The following TMEM108 variants were observed in gnomAD, a reference collection of about 807,000 sequenced individuals.
TMEM108 encodes transmembrane protein 108, also known as cancer/testis antigen 124.
Under a neutral mutation model 35.1 loss-of-function variants are expected in TMEM108, and 12 were observed. The observed-to-expected ratio is 0.34, with a 90% CI of 0.22 to 0.55. The LOEUF (loss-of-function observed/expected upper bound fraction) is 0.55, where lower values mean the gene tolerates loss of function less well. TMEM108 is among the 20% of genes least tolerant of loss of function. The pLI is 0.89. For missense variants in TMEM108, 680 were observed against 753.3 expected (o/e 0.90, Z 1.14); for synonymous variants, 287 against 308.6 (o/e 0.93, Z 0.73).
intron 3 of TMEM108, among the ~76,000 whole-genome samples, chr3:133,319,659 C>T (rs1193624471): frequency 5.9e-5 from 9 of 152,154 alleles, no homozygotes; most frequent in African/African-American, 1.4e-4. Flanking sequence ...GAGCAGGTGC[C>T]GGTATCCATG....
rs144920523 is a variant in TMEM108 at position 133,237,973 on chromosome 3, T to G, written c.40+8622T>G. On this transcript the variant is annotated intron_variant, in intron 3 of 5. Coordinates refer to ENST00000321871, the MANE Select transcript of TMEM108 (RefSeq NM_023943.4). ...AAATTTTAAGAGTATGAAGGGGACA[T>G]GAGACCAAAATGTTTGAGAACCTCT... Among the ~76,000 whole-genome samples the G allele has an allele frequency of 2.5e-3, 380 of 152,298 alleles. 1 individual carries two copies. The highest frequency in any genetic ancestry group is 8.7e-3 in the African/African-American group (360 of 41,570).
chr3:133,306,485 T>C (rs536987015), intron 3 of TMEM108, among the ~76,000 whole-genome samples: 1 of 152,284 alleles, frequency 6.6e-6, no homozygotes, highest in Non-Finnish European at 1.5e-5. Context: ...TCATTTACAT[T>C]AGGTATTTCT....
chr3:133,130,607 G>A (rs1944477727), intron 2 of TMEM108, among the ~76,000 whole-genome samples: 1 of 152,200 alleles, frequency 6.6e-6, no homozygotes, highest in South Asian at 2.1e-4. Flanking sequence ...AAATCAGACA[G>A]CATCACTCCA....
chr3:133,162,417 A>G (rs1286186279), intron 2 of TMEM108, among the ~76,000 whole-genome samples: 1 of 152,214 alleles, frequency 6.6e-6, no homozygotes, highest in Non-Finnish European at 1.5e-5. Flanking sequence ...AGCCTGAGTG[A>G]GCAGACCAAG....
At chr3:133,073,926 A>G (rs1189030213) in intron 2 of TMEM108, among the ~76,000 whole-genome samples, 2 of 151,978 alleles carry the variant, frequency 1.3e-5, no homozygotes, top group African/African-American at 2.4e-5. Flanking sequence ...ATATTTTTTC[A>G]TATTTGAAAA....
chr3:133,380,867 C>G lies in TMEM108; in HGVS notation c.1156C>G (p.Pro386Ala), dbSNP rs139752429. The change falls in exon 4 of 6, where the codon CCA becomes GCA. Residue 386 changes from proline (P) to alanine (A), a missense_variant. Pro to Ala is a conservative substitution (Grantham distance 27). Coordinates refer to ENST00000321871, the MANE Select transcript of TMEM108 (RefSeq NM_023943.4). The surrounding 1 kb of genome is among the most constrained non-coding windows in gnomAD (Gnocchi z 5.3). ...PQGASTTPQA[P>A]THPSRVSEST... ...GGGAGCATCCACAACCCCACAAGCT[C>G]CAACCCATCCCTCCAGGGTCTCAGA... is the stretch of plus-strand genomic sequence containing the variant. 344 of 1,614,190 alleles carry G rather than the reference C, an allele frequency of 2.1e-4. 2 individuals carry two copies. Among genetic ancestry groups the G allele is most frequent in the Admixed American group, 1.7e-3 (103 of 60,030 alleles).
At chr3:133,061,016 A>G (rs1943528122) in intron 2 of TMEM108, among the ~76,000 whole-genome samples, 1 of 152,184 alleles carries the variant, frequency 6.6e-6, no homozygotes, top group African/African-American at 2.4e-5. Context: ...CTGACATGTT[A>G]TTTAAAACAA....
intron 2 of TMEM108, among the ~76,000 whole-genome samples, chr3:133,059,800 C>T (rs185449588): frequency 2.3e-4 from 35 of 152,238 alleles, no homozygotes; most frequent in African/African-American, 7.9e-4. Context: ...TTGTTTAATG[C>T]ATTTTTCCCC....
At chr3:133,216,967 T>G (rs1945918400) in intron 2 of TMEM108, among the ~76,000 whole-genome samples, 1 of 152,140 alleles carries the variant, frequency 6.6e-6, no homozygotes, top group Non-Finnish European at 1.5e-5. Flanking sequence ...TGATGGATTA[T>G]GTGGTAGTTT....
intron 3 of TMEM108, among the ~76,000 whole-genome samples, chr3:133,234,736 G>A (rs1946208230): frequency 6.6e-6 from 1 of 152,066 alleles, no homozygotes; most frequent in African/African-American, 2.4e-5. Context: ...ACATAGTGTT[G>A]GAAGTTCTGG....
chr3:133,392,294 C>T (rs1405669282), intron 5 of TMEM108, among the ~76,000 whole-genome samples: 1 of 152,098 alleles, frequency 6.6e-6, no homozygotes, highest in Non-Finnish European at 1.5e-5. Flanking sequence ...TCCCAAGTAG[C>T]TGGGACTACA....
chr3:133,187,898 AAAAG>A (rs372673455), intron 2 of TMEM108, among the ~76,000 whole-genome samples: 1 of 144,974 alleles, frequency 6.9e-6, no homozygotes, highest in Non-Finnish European at 1.5e-5. Flanking sequence ...AAAAAAAAAA[AAAAG>A]ACAGGAACAA....
At chr3:133,096,954 C>G (rs1944022972) in intron 2 of TMEM108, among the ~76,000 whole-genome samples, 1 of 152,200 alleles carries the variant, frequency 6.6e-6, no homozygotes. Flanking sequence ...AGAAGAGAGC[C>G]AGTTGTCTGT....
At position 133,064,005 on chromosome 3, in the gene TMEM108, T is replaced by C. The variant is rs564662758; in HGVS notation, c.-47+17985T>C. Among the ~76,000 whole-genome samples the C allele has an allele frequency of 2.6e-5, 4 of 152,338 alleles. No individual in the cohort carries two copies. In the East Asian group the frequency reaches 7.7e-4, roughly 29 times the overall value. On this transcript the variant is annotated intron_variant, in intron 2 of 5. Transcript: ENST00000321871. ...ATATTTCTGATTACTTTGTGCCCAG[T>C]GAGGATCCTTCATTCATTTATTGCT... is the stretch of plus-strand genomic sequence containing the variant.
At chr3:133,046,729 C>T (rs1943344243) in intron 2 of TMEM108, among the ~76,000 whole-genome samples, 1 of 152,152 alleles carries the variant, frequency 6.6e-6, no homozygotes, top group Non-Finnish European at 1.5e-5. Flanking sequence ...GTGGAAAGGA[C>T]ATCACATCCT....
chr3:133,180,115 A>G (rs888690653), intron 2 of TMEM108, among the ~76,000 whole-genome samples: 5 of 152,174 alleles, frequency 3.3e-5, no homozygotes, highest in African/African-American at 4.8e-5. Flanking sequence ...CTAAATATCA[A>G]TTTTTAAATA....
intron 2 of TMEM108, among the ~76,000 whole-genome samples, chr3:133,149,531 C>T (rs1944767875): frequency 6.6e-6 from 1 of 152,174 alleles, no homozygotes; most frequent in African/African-American, 2.4e-5. Context: ...TGACAACCAC[C>T]ACTCTACTCT....
intron 2 of TMEM108, among the ~76,000 whole-genome samples, chr3:133,050,769 C>CT (rs764525187): frequency 2.6e-4 from 39 of 151,772 alleles, no homozygotes; most frequent in Non-Finnish European, 5.3e-4. Flanking sequence ...AATATGTAGC[C>CT]TTTTCAGATT....
chr3:133,230,856 T>C (rs544726839), intron 3 of TMEM108, among the ~76,000 whole-genome samples: 10 of 152,348 alleles, frequency 6.6e-5, no homozygotes, highest in African/African-American at 2.4e-4. Flanking sequence ...CATCCTCTTA[T>C]ATTGAGCAAC....
Sources: allele counts gnomAD v4.1 joint callset (sites outside exome capture counted in the v4.1 genomes callset), GRCh38; gene constraint gnomAD v4.1.1; non-coding constraint Gnocchi (gnomAD v3.1); transcripts MANE v1.5; gene names NCBI Gene and HGNC (gene_info 2026-07-23, HGNC 2026-07-21).